Variants in MAGI2 observed in about 807,000 individuals in gnomAD.
The protein encoded by MAGI2 is membrane-associated guanylate kinase, WW and PDZ domain-containing protein 2.
Under a neutral mutation model 133.3 loss-of-function variants are expected in MAGI2, and 35 were observed. The observed-to-expected ratio is 0.26, with a 90% CI of 0.20 to 0.35. The LOEUF is 0.35. MAGI2 is among the 10% of genes least tolerant of loss of function. The pLI, the probability that MAGI2 is intolerant of heterozygous loss-of-function variation, is 1.00. For missense variants in MAGI2, 1,636 were observed against 1,863.4 expected, an observed-to-expected ratio of 0.88 and a Z score of 2.25; for synonymous variants, 729 against 710.6, an observed-to-expected ratio of 1.03 and a Z score of -0.41.
At chr7:78,724,930 T>A (rs1379752570) in intron 2 of MAGI2, among the ~76,000 whole-genome samples, 1 of 152,174 alleles carries the variant, frequency 6.6e-6, no homozygotes, top group Non-Finnish European at 1.5e-5. Context: ...AAGTGCCCAA[T>A]AATTTCTCAT....
intron 11 of MAGI2, among the ~76,000 whole-genome samples, chr7:78,199,665 T>C (rs554469584): frequency 2.6e-5 from 4 of 152,324 alleles, no homozygotes; most frequent in African/African-American, 9.6e-5. Context: ...GGTAGATACA[T>C]GGAAGACATC....
chr7:78,524,559 G>C (rs1036063324), intron 3 of MAGI2, among the ~76,000 whole-genome samples: 1 of 152,162 alleles, frequency 6.6e-6, no homozygotes, highest in African/African-American at 2.4e-5. Flanking sequence ...TCCACATACT[G>C]TAAGTATATA....
rs73369351 is a variant in MAGI2 at position 79,118,245 on chromosome 7, A to G, written c.302-111039T>C. ...TTAATAGAACTCCTTTGCACTTGCA[A>G]ACATGCTACTATTTGGGTGTACACT... On this transcript the variant is annotated intron_variant, in intron 1 of 21. Coordinates refer to ENST00000354212, the MANE Select transcript of MAGI2 (RefSeq NM_012301.4). Among the ~76,000 whole-genome samples the G allele has an allele frequency of 2.7e-3, 408 of 152,308 alleles. 2 individuals are homozygous for G. Among genetic ancestry groups the G allele is most frequent in the African/African-American group, 8.8e-3 (367 of 41,576 alleles).
chr7:79,063,844 A>G (rs1483540169), intron 1 of MAGI2, among the ~76,000 whole-genome samples: 1 of 152,132 alleles, frequency 6.6e-6, no homozygotes, highest in Non-Finnish European at 1.5e-5. Flanking sequence ...ACTTGAAATG[A>G]TAAATAGTAA....
At chr7:79,048,678 G>A (rs1812392838) in intron 1 of MAGI2, among the ~76,000 whole-genome samples, 1 of 152,136 alleles carries the variant, frequency 6.6e-6, no homozygotes. Context: ...TTAAGCTTAA[G>A]AATTATCTCA....
chr7:78,172,220 G>A (rs1343347487), intron 14 of MAGI2, among the ~76,000 whole-genome samples: 1 of 152,116 alleles, frequency 6.6e-6, no homozygotes, highest in African/African-American at 2.4e-5. Flanking sequence ...ACCTTTCCAG[G>A]CCTTTTGATC....
In MAGI2 at chr7:78,416,429, G is replaced by C. The variant is rs192279304; in HGVS notation, c.1046-47216C>G. Among the ~76,000 whole-genome samples, 481 of 152,260 alleles carry C rather than the reference G, an allele frequency of 3.2e-3. 4 individuals are homozygous for C. Among genetic ancestry groups the C allele is most frequent in the African/African-American group, 0.011 (468 of 41,566 alleles). ...ATATTGAAACTTAATTTAATAAAAT[G>C]TGTTAGCACTATATAAATTATTCAT... On this transcript the variant is annotated intron_variant, in intron 6 of 21. Transcript: ENST00000354212.
chr7:78,591,219 C>G (rs764105323), intron 3 of MAGI2, among the ~76,000 whole-genome samples: 18 of 152,180 alleles, frequency 1.2e-4, no homozygotes, highest in Non-Finnish European at 2.1e-4. Flanking sequence ...AGAGATCCAG[C>G]AATTCTATTT....
intron 3 of MAGI2, among the ~76,000 whole-genome samples, chr7:78,603,071 G>A (rs1051488927): frequency 6.6e-6 from 1 of 151,978 alleles, no homozygotes; most frequent in African/African-American, 2.4e-5. Flanking sequence ...TGGTTGCTAG[G>A]TGTTGGGACT....
intron 6 of MAGI2, among the ~76,000 whole-genome samples, chr7:78,397,366 TACACAC>T (rs71085528): frequency 0.065 from 9,659 of 147,766 alleles, 387 homozygotes; most frequent in South Asian, 0.11. Flanking sequence ...TTGAAATTCC[TACACAC>T]ACACACACAC....
intron 2 of MAGI2, among the ~76,000 whole-genome samples, chr7:78,987,833 TAC>T (rs141353429): frequency 7.3e-5 from 11 of 151,034 alleles, no homozygotes; most frequent in Admixed American, 1.3e-4. Flanking sequence ...TACGTTTTTA[TAC>T]ACACACACAC....
intron 20 of MAGI2, among the ~76,000 whole-genome samples, chr7:78,081,565 A>G (rs1815978321): frequency 1.3e-5 from 2 of 152,212 alleles, no homozygotes; most frequent in Admixed American, 1.3e-4. Context: ...AAGTGCCAGT[A>G]GGAGTTCCCT....
intron 2 of MAGI2, among the ~76,000 whole-genome samples, chr7:78,665,835 C>T (rs1813505163): frequency 1.3e-5 from 2 of 151,990 alleles, no homozygotes; most frequent in African/African-American, 4.8e-5. Flanking sequence ...CTATTATATG[C>T]CAGGCACGTC....
chr7:78,887,281 A>G (rs1431620124), intron 2 of MAGI2, among the ~76,000 whole-genome samples: 1 of 152,240 alleles, frequency 6.6e-6, no homozygotes, highest in East Asian at 1.9e-4. Flanking sequence ...AGTCATTATC[A>G]TTAACATTCT....
chr7:78,761,645 A>G (rs1231484492), intron 2 of MAGI2, among the ~76,000 whole-genome samples: 2 of 151,934 alleles, frequency 1.3e-5, no homozygotes, highest in Admixed American at 6.6e-5. Context: ...TTTAGTAAAG[A>G]TGGGGTTTCA....
chr7:78,504,012 G>A (rs112553423), intron 4 of MAGI2, among the ~76,000 whole-genome samples: 22 of 152,196 alleles, frequency 1.4e-4, no homozygotes, highest in African/African-American at 5.3e-4. Context: ...GGATAATATA[G>A]TTAAATATAA....
intron 1 of MAGI2, among the ~76,000 whole-genome samples, chr7:79,244,025 A>T (rs528452321): frequency 6.6e-6 from 1 of 152,336 alleles, no homozygotes; most frequent in South Asian, 2.1e-4. Flanking sequence ...AAAGAAAAAA[A>T]AAGTAACAAT....
At chr7:78,448,963 C>T (rs976045484) in intron 6 of MAGI2, among the ~76,000 whole-genome samples, 4 of 152,036 alleles carry the variant, frequency 2.6e-5, no homozygotes, top group South Asian at 4.2e-4. Context: ...ACAGTGTGGG[C>T]GATTCAGCAG....
intron 3 of MAGI2, among the ~76,000 whole-genome samples, chr7:78,620,633 A>G (rs1807631691): frequency 6.6e-6 from 1 of 151,974 alleles, no homozygotes; most frequent in Non-Finnish European, 1.5e-5. Context: ...GTCCACGATT[A>G]TAAGAAATCA....
Sources: allele counts gnomAD v4.1 joint callset (sites outside exome capture counted in the v4.1 genomes callset), GRCh38; gene constraint gnomAD v4.1.1; transcripts MANE v1.5; gene names NCBI Gene and HGNC (gene_info 2026-07-23, HGNC 2026-07-21).